NTRK1: variants seen among roughly 807,000 people sequenced by gnomAD.
The protein encoded by NTRK1 is neurotrophic receptor tyrosine kinase 1.
A neutral mutation model predicts 86.8 loss-of-function variants in NTRK1; 62 were observed. That is an observed-to-expected ratio of 0.71 (90% CI 0.58 to 0.88). The LOEUF is 0.88. Among genes scored for constraint, NTRK1 ranks in the 40% least tolerant of loss-of-function variants. The probability of loss-of-function intolerance (pLI) is 0.00; values close to 1 mark genes in which losing one functional copy is unlikely to be tolerated. For missense variants in NTRK1, 967 were observed against 1,078.4 expected (o/e 0.90, Z 1.45); for synonymous variants, 469 against 456.6 (o/e 1.03, Z -0.35).
At chr1:156,828,698 G>C (rs1485182220) in intron 1 of NTRK1, among the ~76,000 whole-genome samples, 1 of 152,264 alleles carries the variant, frequency 6.6e-6, no homozygotes, top group Non-Finnish European at 1.5e-5. Context: ...AATGGAAGGA[G>C]AGTGGTGGGG....
chr1:156,874,292 C>G (rs1647758697), intron 8 of NTRK1, 91 bp from the exon 9 acceptor site: 1 of 1,585,796 alleles, frequency 6.3e-7, no homozygotes, highest in Non-Finnish European at 8.7e-7. Context: ...GAATGAGTCC[C>G]AGAGTAGGCA....
At position 156,874,928 on chromosome 1, in the gene NTRK1, C is replaced by T. The variant is rs2102911994; in HGVS notation, c.1274C>T (p.Ala425Val). 2 of 1,613,076 alleles carry T rather than the reference C, an allele frequency of 1.2e-6. No individual in the cohort carries two copies. The highest frequency in any genetic ancestry group is 1.7e-6 in the Non-Finnish European group (2 of 1,179,588). ...CAGGTCTCGGTGGCTGTGGGCCTGG[C>T]CGTCTTTGCCTGCCTCTTCCTTTCT... ...PFGVSVAVGLAVFACLFLSTL... is the reference protein window; with the variant it reads ...PFGVSVAVGLVVFACLFLSTL... The change falls in exon 11 of 17, where the codon GCC becomes GTC. Residue 425 changes from alanine (A) to valine (V), a missense_variant. Ala to Val is a moderately conservative substitution (Grantham distance 64, BLOSUM62 0). Around this residue, in one of 2 missense-constraint regions of NTRK1, gnomAD observed 637 missense variants for 776.5 expected, o/e 0.82. Coordinates refer to ENST00000524377, the MANE Select transcript of NTRK1 (RefSeq NM_002529.4).
upstream of NTRK1, among the ~76,000 whole-genome samples, chr1:156,855,913 A>ATG (rs2102872339): frequency 6.6e-6 from 1 of 150,882 alleles, no homozygotes; most frequent in South Asian, 2.1e-4. Context: ...ACACTGACTA[A>ATG]TGTGCGTGTG....
Position 156,851,107 on chromosome 1 carries a change from T to C in NTRK1, c.50+8914T>C, listed in dbSNP as rs1360237230. 8.6e-5 allele frequency: 61 copies of C among 708,394 alleles called. 1 individual carries two copies. Among genetic ancestry groups the C allele is most frequent in the Middle Eastern group, 7.3e-4 (3 of 4,108 alleles). 43.9% of individuals were successfully genotyped at this position (708,394 alleles called of 1,614,324 possible). A position where few individuals can be genotyped will look rare whatever the true frequency, so the allele number is the denominator to read the frequency against. ...ATTCAAAACAGTCCTGAGAAGTAAGTAATGTTATATTAGCCCTATTTTACA... is the reference window on the plus strand; with the variant it reads ...ATTCAAAACAGTCCTGAGAAGTAAGCAATGTTATATTAGCCCTATTTTACA... On this transcript the variant is annotated intron_variant, in intron 2 of 16. Coordinates refer to the NTRK1 transcript ENST00000392302.
intron 2 of NTRK1, chr1:156,846,269 G>T: frequency 1.1e-6 from 1 of 897,224 alleles, no homozygotes; most frequent in Non-Finnish European, 1.6e-6. Context: ...TCAGTGTTTT[G>T]TTTCTGTCCT....
At chr1:156,837,109 C>G in intron 1 of NTRK1, 1 of 152,274 alleles carries the variant, frequency 6.6e-6, no homozygotes, top group East Asian at 1.9e-4. Context: ...CAGGCATCAG[C>G]TGCAGCTGAG....
intron 2 of NTRK1, chr1:156,848,920 C>T: frequency 6.4e-7 from 1 of 1,567,808 alleles, no homozygotes; most frequent in Non-Finnish European, 8.6e-7. Context: ...CCGGCACTCA[C>T]GACTCCTTGT....
intron 1 of NTRK1, among the ~76,000 whole-genome samples, chr1:156,862,828 G>T (rs1655740836): frequency 6.6e-6 from 1 of 152,110 alleles, no homozygotes; most frequent in African/African-American, 2.4e-5. Context: ...GGGGTGGGTA[G>T]AATAGGGACT....
At chr1:156,879,887 C>T (rs1166298463) in intron 15 of NTRK1, 112 bp from the exon 16 acceptor site, 15 of 1,374,676 alleles carry the variant, frequency 1.1e-5, no homozygotes, top group Admixed American at 1.1e-4. Context: ...GGATTACAGG[C>T]GTGAACCACC....
chr1:156,840,827 C>A, intron 1 of NTRK1: 1 of 1,464,252 alleles, frequency 6.8e-7, no homozygotes, highest in Non-Finnish European at 9.5e-7. Context: ...AGGTCGGGTC[C>A]CTTCCTGTCT....
intron 2 of NTRK1, chr1:156,845,206 A>G: frequency 6.2e-7 from 1 of 1,609,746 alleles, no homozygotes; most frequent in East Asian, 2.2e-5. Context: ...CCGCTCGCTC[A>G]CGGGGCACCT....
At chr1:156,841,709 G>T in intron 1 of NTRK1, 1 of 1,614,084 alleles carries the variant, frequency 6.2e-7, no homozygotes, top group East Asian at 2.2e-5. Context: ...TGAGGGACTC[G>T]GGGGCCATCC....
Position 156,854,391 on chromosome 1 carries a change from G to A in NTRK1, c.51-9963G>A. On this transcript the variant is annotated intron_variant, in intron 2 of 16. Coordinates refer to the NTRK1 transcript ENST00000392302. This position sits in a 1 kb window ranked among gnomAD's most constrained non-coding sequence, Gnocchi z 4.2. ...GGCAGCTTTGGAGGGGAGCCACACTGGCAGTAGGACAATGAGTGAGGAGCC... is the reference window on the plus strand; with the variant it reads ...GGCAGCTTTGGAGGGGAGCCACACTAGCAGTAGGACAATGAGTGAGGAGCC... 7.6e-7 allele frequency: 1 copy of A among 1,322,216 alleles called. No individual in the cohort carries two copies. Among genetic ancestry groups the A allele is most frequent in the Non-Finnish European group, 1.0e-6 (1 of 972,092 alleles). The allele number at this position is 1,322,216 out of a possible 1,614,324, so 81.9% of individuals were successfully genotyped here.
intron 1 of NTRK1, chr1:156,841,154 G>A (rs368316284): frequency 5.8e-6 from 8 of 1,381,792 alleles, no homozygotes; most frequent in Admixed American, 2.0e-5. Flanking sequence ...CCCCTGCCAC[G>A]CTCTCAGCCT....
At chr1:156,846,837 G>T in intron 2 of NTRK1, 2 of 1,147,804 alleles carry the variant, frequency 1.7e-6, no homozygotes. Flanking sequence ...ATCACCCCAG[G>T]ACTGTCATTG....
rs1648253157 is a variant in NTRK1 at position 156,881,465 on chromosome 1, C to T, written c.2214C>T (p.Asp738=). The T allele has an allele frequency of 1.3e-6, 2 of 1,570,524 alleles. No homozygotes were observed. The highest frequency in any genetic ancestry group is 1.7e-6 in the Non-Finnish European group (2 of 1,157,748). Residue 738 remains aspartate, a synonymous_variant, in exon 17 of 17, where the codon GAC becomes GAT. Coordinates refer to ENST00000524377, the MANE Select transcript of NTRK1 (RefSeq NM_002529.4). ...WYQLSNTEAI[D]CITQGRELER... ...CTCTCCGGTGGCCCCAGGCAATCGA[C>T]TGCATCACGCAGGGACGTGAGTTGG...
intron 1 of NTRK1, among the ~76,000 whole-genome samples, chr1:156,826,700 C>T (rs950487921): frequency 2.0e-5 from 3 of 152,224 alleles, no homozygotes; most frequent in Admixed American, 1.3e-4. Flanking sequence ...AAACCCTATC[C>T]TTGCAGGAAT....
intron 2 of NTRK1, among the ~76,000 whole-genome samples, chr1:156,850,887 C>T (rs1313653169): frequency 3.3e-5 from 5 of 152,120 alleles, no homozygotes; most frequent in Non-Finnish European, 5.9e-5. Flanking sequence ...ATGCTGGCTA[C>T]ATTATAGGTA....
intron 2 of NTRK1, chr1:156,846,623 G>A: frequency 6.2e-7 from 1 of 1,614,124 alleles, no homozygotes; most frequent in African/African-American, 1.3e-5. Context: ...TGCGTACTGT[G>A]TCCAAGGCTT....
Sources: gnomAD v4.1 joint callset for allele counts (sites outside exome capture counted in the v4.1 genomes callset) on GRCh38, gnomAD v4.1.1 for gene constraint, gnomAD v4.1.1 regional missense constraint, Gnocchi (gnomAD v3.1) non-coding constraint, MANE v1.5 for transcripts, NCBI Gene and HGNC (gene_info 2026-07-23, HGNC 2026-07-21) for gene names.